The following DNAH5 variants were observed in gnomAD, a reference collection of about 807,000 sequenced individuals.
The protein encoded by DNAH5 is dynein axonemal heavy chain 5, also known as axonemal beta dynein heavy chain 5.
DNAH5 carries 372 observed loss-of-function variants against 518.2 expected under a neutral mutation model. The observed-to-expected ratio is 0.72, with a 90% CI of 0.66 to 0.78. The LOEUF (loss-of-function observed/expected upper bound fraction) is 0.78, where lower values mean the gene tolerates loss of function less well. Among genes scored for constraint, DNAH5 ranks in the 30% least tolerant of loss-of-function variants. The pLI is 0.00. For synonymous variants in DNAH5, 2,039 were observed against 2,025.9 expected, an observed-to-expected ratio of 1.01 and a Z score of -0.17; for missense variants, 5,523 against 5,687.0, an observed-to-expected ratio of 0.97 and a Z score of 0.93.
rs1490944946 is a variant in DNAH5 at position 13,718,966 on chromosome 5, G to C, written c.12415C>G (p.Pro4139Ala). 6.2e-7 allele frequency: 1 copy of C among 1,614,132 alleles called. No individual in the cohort carries two copies. The highest frequency in any genetic ancestry group is 1.7e-5 in the Admixed American group (1 of 60,008). ...ATGGACATCTGAAGGAGTGTAATGG[G>C]AAACTGCTTATGAGCCTCGGTGGTC... ...WMTTEAHKQF[P>A]ITLLQMSIKF... Residue 4139 changes from proline to alanine, a missense_variant, in exon 72 of 79, where the codon CCC becomes GCC. By Grantham distance (27) the Pro-to-Ala change is conservative (BLOSUM62 -1). This residue lies in a region of DNAH5 where 5,121 missense variants were observed against 5,223.3 expected (regional missense o/e 0.98). Coordinates refer to ENST00000265104, the MANE Select transcript of DNAH5 (RefSeq NM_001369.3).
At chr5:13,785,426 T>C (rs1372293954) in intron 52 of DNAH5, among the ~76,000 whole-genome samples, 2 of 152,200 alleles carry the variant, frequency 1.3e-5, no homozygotes, top group African/African-American at 4.8e-5. Flanking sequence ...TATACTTTCA[T>C]GGTGGATTTC....
At chr5:13,942,551 C>G (rs142476436) in intron 1 of DNAH5, among the ~76,000 whole-genome samples, 85 of 152,320 alleles carry the variant, frequency 5.6e-4, no homozygotes, top group African/African-American at 2.0e-3. Context: ...GCAAAGAACT[C>G]TGCTAAGTCA....
In DNAH5 at chr5:13,885,227, T is replaced by G. The variant is rs750846850; in HGVS notation, c.2745A>C (p.Ala915=). Residue 915 remains alanine, a splice_region_variant and synonymous_variant, in exon 19 of 79, where the codon GCA becomes GCC. Coordinates refer to ENST00000265104, the MANE Select transcript of DNAH5 (RefSeq NM_001369.3). The stretch of plus-strand genomic sequence containing the variant: ...TGTCAAAATTTCCTTCTTCTCTTTT[T>G]GCTGTTACAAGATGAAAGAGATAGA... The part of the protein sequence containing the change: ...NSVNYKNESS[A]KREEGNFDTL... 3.7e-6 allele frequency: 6 copies of G among 1,613,934 alleles called. No homozygotes were observed. The Admixed American group carries it at 1.0e-4, about 27-fold the overall frequency.
Position 13,885,838 on chromosome 5 carries a change from C to T in DNAH5, c.2743+126G>A, listed in dbSNP as rs1225911292. 2.5e-5 allele frequency: 22 copies of T among 883,038 alleles called. 1 individual carries two copies. The highest frequency in any genetic ancestry group is 3.4e-5 in the Non-Finnish European group (19 of 566,516). 54.7% of individuals were successfully genotyped at this position (883,038 alleles called of 1,614,324 possible). A position where few individuals can be genotyped will look rare whatever the true frequency, so the allele number is the denominator to read the frequency against. On this transcript the variant is annotated intron_variant, in intron 18 of 78. Transcript: ENST00000265104. ...TCAGGGCCATAATTTCAGATTTATA[C>T]ATATCATTAGAAAATCGAGAGGATG... is the stretch of plus-strand genomic sequence containing the variant.
chr5:14,004,026 T>C (rs1406008234), intron 1 of DNAH5, among the ~76,000 whole-genome samples: 1 of 152,236 alleles, frequency 6.6e-6, no homozygotes, highest in East Asian at 1.9e-4. Flanking sequence ...ACAATGATTG[T>C]TGCTATTTCA....
chr5:14,001,984 C>T (rs1784384977), intron 1 of DNAH5, among the ~76,000 whole-genome samples: 1 of 151,874 alleles, frequency 6.6e-6, no homozygotes, highest in African/African-American at 2.4e-5. Flanking sequence ...CTGCAACCTC[C>T]ACCTCCCAAG....
chr5:13,814,377 A>G (rs1252195920), intron 43 of DNAH5, among the ~76,000 whole-genome samples: 1 of 152,154 alleles, frequency 6.6e-6, no homozygotes, highest in Non-Finnish European at 1.5e-5. Context: ...ATTACTCTAC[A>G]ACCCAGAGGT....
At position 13,862,610 on chromosome 5, in the gene DNAH5, G is replaced by C; in HGVS notation, c.4734C>G (p.Thr1578=). ...RGELLLRGDS[T]SEIIANMEDS... ...CCTCCATGTTGGCGATGATTTCCGA[G>C]GTACTGTCTCCTCTCAAGAGGAGCT... Residue 1578 remains threonine (T), a synonymous_variant, in exon 29 of 79, where the codon ACC becomes ACG. Transcript: ENST00000265104. 1 of 1,613,964 alleles carries C rather than the reference G, an allele frequency of 6.2e-7. No homozygotes were observed. Among genetic ancestry groups the C allele is most frequent in the Non-Finnish European group, 8.5e-7 (1 of 1,179,950 alleles).
intron 1 of DNAH5, among the ~76,000 whole-genome samples, chr5:13,954,350 C>G (rs530382496): frequency 5.8e-4 from 88 of 152,230 alleles, no homozygotes; most frequent in African/African-American, 2.1e-3. Context: ...TGCAGGAATC[C>G]AGGGTGCTAT....
rs78940762 is a variant in DNAH5 at position 13,708,374 on chromosome 5, C to T, written c.13126-39G>A. 2.4e-3 allele frequency: 3,779 copies of T among 1,606,432 alleles called. 70 individuals carry two copies. In the African/African-American group the frequency reaches 0.043, roughly 18 times the overall value. On this transcript the variant is annotated intron_variant, in intron 75 of 78. Coordinates refer to ENST00000265104, the MANE Select transcript of DNAH5 (RefSeq NM_001369.3). ...ATTCAAAGCACATGTTAACAATTAG[C>T]TACTAAGGATTTTATAGACCTGGTG...
intron 49 of DNAH5, among the ~76,000 whole-genome samples, chr5:13,792,799 A>T (rs1375466027): frequency 6.6e-6 from 1 of 152,208 alleles, no homozygotes; most frequent in Non-Finnish European, 1.5e-5. Context: ...CACCCAGATG[A>T]CATTTTCGTT....
At position 13,913,986 on chromosome 5, in the gene DNAH5, AAAGGG is replaced by A. The variant is rs752508467; in HGVS notation, c.1321-33_1321-29del. On this transcript the variant is annotated intron_variant, in intron 10 of 78. Coordinates refer to ENST00000265104, the MANE Select transcript of DNAH5 (RefSeq NM_001369.3). Reference sequence around the variant, plus strand: ...TAAAATCAAAAGAAAAATATACAACAAAGGGAACAAGAAAGGTATCAACTTTATTT... The same window carrying A: ...TAAAATCAAAAGAAAAATATACAACAAACAAGAAAGGTATCAACTTTATTT... 4 of 1,607,288 alleles carry A rather than the reference AAAGGG, an allele frequency of 2.5e-6. No individual in the cohort carries two copies. In the African/African-American group the frequency reaches 5.3e-5, roughly 21 times the overall value.
intron 1 of DNAH5, among the ~76,000 whole-genome samples, chr5:13,980,421 A>C (rs1466852620): frequency 2.0e-5 from 3 of 151,546 alleles, no homozygotes; most frequent in African/African-American, 7.3e-5. Flanking sequence ...CGGGCATCGA[A>C]CTCAGCATCT....
chr5:13,804,718 T>C (rs13176912), intron 47 of DNAH5, among the ~76,000 whole-genome samples: 26 of 152,140 alleles, frequency 1.7e-4, no homozygotes, highest in South Asian at 2.1e-4. Flanking sequence ...GTGGGGAATC[T>C]GGCTAAAGCC....
rs1452765022 is a variant in DNAH5, at chr5:13,900,302, T to C, written c.2163A>G (p.Thr721=). The C allele has an allele frequency of 6.2e-7, 1 of 1,614,188 alleles. No individual in the cohort carries two copies. The highest frequency in any genetic ancestry group is 1.7e-5 in the Admixed American group (1 of 60,032). The change falls in exon 15 of 79, where the codon ACA becomes ACG. Residue 721 remains threonine (T), a synonymous_variant. Transcript: ENST00000265104. ...DPQILILFRE[T]ECMAQMGLEV... ...CCAGACCCATCTGGGCCATGCACTC[T>C]GTTTCTCTAAATAAGATTAATATCT...
At chr5:13,934,824 C>A (rs1333317202) in intron 1 of DNAH5, among the ~76,000 whole-genome samples, 2 of 152,200 alleles carry the variant, frequency 1.3e-5, no homozygotes, top group African/African-American at 4.8e-5. Context: ...AGATAATCTA[C>A]CTGTTTTCTC....
intron 59 of DNAH5, among the ~76,000 whole-genome samples, chr5:13,765,050 T>C (rs911291750): frequency 2.6e-5 from 4 of 152,236 alleles, no homozygotes; most frequent in African/African-American, 9.6e-5. Flanking sequence ...TTTGAGGTCA[T>C]TTACAAGTAT....
chr5:13,843,045 G>T lies in DNAH5; in HGVS notation c.5272-1141C>A, dbSNP rs990578112. 3.3e-5 allele frequency among the ~76,000 whole-genome samples: 5 copies of T among 152,106 alleles called. No individual in the cohort carries two copies. The East Asian group carries it at 9.6e-4, about 29-fold the overall frequency. On this transcript the variant is annotated intron_variant, in intron 32 of 78. Transcript: ENST00000265104. ...TAGTGCCATGGCAGAGGATTTAAGC[G>T]AAACATCAGAAAGAATTTTCTGATG...
In DNAH5 at chr5:13,700,862, G is replaced by A. The variant is rs748375416; in HGVS notation, c.13501C>T (p.Arg4501Trp). The change falls in exon 78 of 79, where the codon CGG (arginine) becomes TGG (tryptophan). Residue 4501 changes from arginine to tryptophan, a missense_variant. Arg to Trp is a moderately radical substitution (Grantham distance 101). Around this residue, in one of 3 missense-constraint regions of DNAH5, gnomAD observed 387 missense variants for 430.0 expected, o/e 0.90. Coordinates refer to ENST00000265104, the MANE Select transcript of DNAH5 (RefSeq NM_001369.3). Reference sequence around the variant, plus strand: ...TCCAGAGCCCAGCCTTTGTTGGCCCGAGTTATTTCCTATTCAGGGCAGCAA... The same window carrying A: ...TCCAGAGCCCAGCCTTTGTTGGCCCAAGTTATTTCCTATTCAGGGCAGCAA... ...FLTAMRQEIT[R>W]ANKGWALDNM... The A allele has an allele frequency of 1.8e-5, 29 of 1,613,934 alleles. No individual in the cohort carries two copies. The highest frequency in any genetic ancestry group is 1.2e-4 in the South Asian group (11 of 91,088).
Sources: allele counts gnomAD v4.1 joint callset (sites outside exome capture counted in the v4.1 genomes callset), GRCh38; gene constraint gnomAD v4.1.1; regional missense constraint gnomAD v4.1.1; transcripts MANE v1.5; gene names NCBI Gene and HGNC (gene_info 2026-07-23, HGNC 2026-07-21).